Variants in ZNF385B observed in about 807,000 individuals in gnomAD.
The protein encoded by ZNF385B is zinc finger protein 385B, also known as zinc finger protein 533.
ZNF385B carries 23 observed loss-of-function variants against 39.2 expected under a neutral mutation model. The ratio of observed to expected loss-of-function variants is 0.59; its 90% confidence interval spans 0.42 to 0.83. The LOEUF is 0.83. Ranked by LOEUF, ZNF385B falls within the 40% of genes least tolerant of loss-of-function variation. The pLI, the probability that ZNF385B is intolerant of heterozygous loss-of-function variation, is 0.00. For synonymous variants in ZNF385B, 205 were observed against 222.6 expected, an observed-to-expected ratio of 0.92 and a Z score of 0.70; for missense variants, 552 against 598.9, an observed-to-expected ratio of 0.92 and a Z score of 0.82.
At position 179,593,619 on chromosome 2, in the gene ZNF385B, A is replaced by G. The variant is rs998322611; in HGVS notation, c.299-48650T>C. Among the ~76,000 whole-genome samples, 6 of 152,316 alleles carry G rather than the reference A, an allele frequency of 3.9e-5. No individual in the cohort carries two copies. In the South Asian group the frequency reaches 6.2e-4, roughly 16 times the overall value. ...AGAGTACACAGGTACTCAAGTATCAAGAAAAGCAATTCTGTCCTTATGGTT... is the reference window on the plus strand; with the variant it reads ...AGAGTACACAGGTACTCAAGTATCAGGAAAAGCAATTCTGTCCTTATGGTT... On this transcript the variant is annotated intron_variant, in intron 3 of 9. Coordinates refer to ENST00000410066, the MANE Select transcript of ZNF385B (RefSeq NM_152520.6).
intron 3 of ZNF385B, among the ~76,000 whole-genome samples, chr2:179,647,675 G>C (rs534160424): frequency 1.6e-4 from 24 of 152,278 alleles, no homozygotes; most frequent in African/African-American, 5.8e-4. Flanking sequence ...TTCCTATAGG[G>C]TTCATAAGTT....
chr2:179,723,613 C>A (rs761400972), intron 3 of ZNF385B, among the ~76,000 whole-genome samples: 1 of 151,954 alleles, frequency 6.6e-6, no homozygotes, highest in South Asian at 2.1e-4. Context: ...TTTTAAAACA[C>A]GCATATTTAG....
intron 3 of ZNF385B, among the ~76,000 whole-genome samples, chr2:179,685,888 T>C (rs1466000641): frequency 6.6e-6 from 1 of 152,184 alleles, no homozygotes; most frequent in Non-Finnish European, 1.5e-5. Flanking sequence ...CCATCACATA[T>C]ATGTTCCACA....
intron 3 of ZNF385B, among the ~76,000 whole-genome samples, chr2:179,664,251 C>T (rs1402741106): frequency 1.3e-5 from 2 of 151,728 alleles, no homozygotes; most frequent in Non-Finnish European, 1.5e-5. Flanking sequence ...TTGAATTATC[C>T]ATTAATATTT....
chr2:179,744,431 G>A (rs909816466), intron 3 of ZNF385B, among the ~76,000 whole-genome samples: 1 of 151,680 alleles, frequency 6.6e-6, no homozygotes, highest in Non-Finnish European at 1.5e-5. Context: ...GCTGCTAAAC[G>A]AGAAACCATG....
chr2:179,556,200 T>G (rs2060894007), intron 3 of ZNF385B, among the ~76,000 whole-genome samples: 1 of 148,874 alleles, frequency 6.7e-6, no homozygotes, highest in Non-Finnish European at 1.5e-5. Context: ...TAAGTGTTGT[T>G]AAAAAAAATG....
intron 3 of ZNF385B, among the ~76,000 whole-genome samples, chr2:179,634,164 C>T (rs1193698427): frequency 2.0e-5 from 3 of 152,122 alleles, no homozygotes; most frequent in African/African-American, 7.2e-5. Flanking sequence ...GACTTCATGA[C>T]TAAAACACCA....
At chr2:179,853,914 A>T (rs1426382249) in intron 1 of ZNF385B, among the ~76,000 whole-genome samples, 9 of 152,180 alleles carry the variant, frequency 5.9e-5, no homozygotes, top group Non-Finnish European at 1.2e-4. Context: ...TCAGAACCAA[A>T]CTCGACATTT....
At chr2:179,473,928 A>T (rs955489803) in intron 6 of ZNF385B, among the ~76,000 whole-genome samples, 1 of 152,208 alleles carries the variant, frequency 6.6e-6, no homozygotes, top group Non-Finnish European at 1.5e-5. Context: ...ATGAAGAAAC[A>T]GAAGCTCCAT....
At chr2:179,468,911 G>T (rs2052420064) in intron 6 of ZNF385B, among the ~76,000 whole-genome samples, 1 of 152,148 alleles carries the variant, frequency 6.6e-6, no homozygotes, top group Non-Finnish European at 1.5e-5. Flanking sequence ...ACATTCAGGG[G>T]TTGGACTGCC....
At chr2:179,664,298 T>C (rs1435591893) in intron 3 of ZNF385B, among the ~76,000 whole-genome samples, 2 of 152,190 alleles carry the variant, frequency 1.3e-5, no homozygotes, top group African/African-American at 4.8e-5. Flanking sequence ...AATTGTTCAA[T>C]TGCATTCATT....
At chr2:179,476,243 T>C (rs1169608630) in intron 6 of ZNF385B, among the ~76,000 whole-genome samples, 1 of 152,186 alleles carries the variant, frequency 6.6e-6, no homozygotes, top group African/African-American at 2.4e-5. Flanking sequence ...CATTTATGGT[T>C]ATACATTTAC....
chr2:179,563,753 C>G (rs532659771), intron 3 of ZNF385B, among the ~76,000 whole-genome samples: 35 of 152,076 alleles, frequency 2.3e-4, no homozygotes, highest in Admixed American at 5.9e-4. Context: ...ACTGGGCATT[C>G]CTTATGATTA....
chr2:179,468,541 T>C (rs1007399505), intron 6 of ZNF385B, among the ~76,000 whole-genome samples: 2 of 152,004 alleles, frequency 1.3e-5, no homozygotes, highest in Non-Finnish European at 2.9e-5. Flanking sequence ...TAAAAACTAA[T>C]TTTCTAGGTG....
chr2:179,831,928 TA>T (rs1423177731), intron 1 of ZNF385B, among the ~76,000 whole-genome samples: 1 of 152,206 alleles, frequency 6.6e-6, no homozygotes. Flanking sequence ...TGAAGATTAT[TA>T]ATTCTTGTGA....
At chr2:179,848,510 C>G (rs950950800) in intron 1 of ZNF385B, among the ~76,000 whole-genome samples, 3 of 152,168 alleles carry the variant, frequency 2.0e-5, no homozygotes, top group African/African-American at 7.2e-5. Context: ...TATAAGGTGT[C>G]TATTTATTGT....
intron 3 of ZNF385B, among the ~76,000 whole-genome samples, chr2:179,595,430 G>A (rs1687915725): frequency 6.6e-6 from 1 of 152,050 alleles, no homozygotes; most frequent in Non-Finnish European, 1.5e-5. Context: ...CATCATTCAG[G>A]AATGCTAAAA....
In ZNF385B at chr2:179,446,655, G is replaced by C; in HGVS notation, c.831C>G (p.Pro277=). 1 of 1,614,084 alleles carries C rather than the reference G, an allele frequency of 6.2e-7. No homozygotes were observed. The highest frequency in any genetic ancestry group is 8.5e-7 in the Non-Finnish European group (1 of 1,179,990). ...CGGGAGCTCCATTTGTGCTCTTGGA[G>C]GGAGAAGTGGCTGCTCCAGGTGGCA... ...TPLPPGAATS[P]SKSTNGAPGT... The change falls in exon 7 of 10, where the codon CCC becomes CCG. Residue 277 remains proline (P), a synonymous_variant. Coordinates refer to ENST00000410066, the MANE Select transcript of ZNF385B (RefSeq NM_152520.6).
chr2:179,814,600 C>G, intron 1 of ZNF385B: 1 of 660,800 alleles, frequency 1.5e-6, no homozygotes. Flanking sequence ...ATCATAGAGA[C>G]CGTGGACTGT....
Sources: allele counts gnomAD v4.1 joint callset (sites outside exome capture counted in the v4.1 genomes callset), GRCh38; gene constraint gnomAD v4.1.1; transcripts MANE v1.5; gene names NCBI Gene and HGNC (gene_info 2026-07-23, HGNC 2026-07-21).